Variants in DAB1 observed in about 807,000 individuals in gnomAD.
DAB1 encodes the protein disabled homolog 1.
Under a neutral mutation model 64.6 loss-of-function variants are expected in DAB1, and 15 were observed. The ratio of observed to expected loss-of-function variants is 0.23; its 90% CI spans 0.16 to 0.36. The LOEUF (loss-of-function observed/expected upper bound fraction) is 0.36, where lower values mean the gene tolerates loss of function less well. Ranked by LOEUF, DAB1 falls within the 10% of genes least tolerant of loss-of-function variation. The pLI is 1.00. For missense variants in DAB1, 596 were observed against 706.7 expected (o/e 0.84, Z 1.78); for synonymous variants, 235 against 251.9 (o/e 0.93, Z 0.64).
At chr1:58,522,110 A>G (rs993547315) in intron 2 of DAB1, among the ~76,000 whole-genome samples, 3 of 152,188 alleles carry the variant, frequency 2.0e-5, no homozygotes, top group African/African-American at 7.2e-5. Flanking sequence ...AATTAATGTA[A>G]TTTGCCCAAT....
chr1:57,695,878 CAACAAGAGTGAGATTCCATCTCA>C (rs1646838633), intron 6 of DAB1, among the ~76,000 whole-genome samples: 1 of 152,004 alleles, frequency 6.6e-6, no homozygotes, highest in Admixed American at 6.6e-5. Context: ...CCAGCCTGGG[CAACAAGAGTGAGATTCCATCTCA>C]AACAAAACAA....
chr1:57,241,376 C>T (rs1668482643), intron 2 of DAB1, among the ~76,000 whole-genome samples: 1 of 152,188 alleles, frequency 6.6e-6, no homozygotes, highest in South Asian at 2.1e-4. Context: ...TTATCAGTGT[C>T]TTTCTAATTG....
intron 1 of DAB1, among the ~76,000 whole-genome samples, chr1:57,309,549 C>A (rs553510005): frequency 2.0e-5 from 3 of 152,124 alleles, no homozygotes; most frequent in Non-Finnish European, 4.4e-5. Context: ...CATAACTTAC[C>A]AAAACTCAAT....
rs573106559 is a variant in DAB1, at chr1:58,263,178, T to C, written n.309+80174A>G. On this transcript the variant is annotated intron_variant and non_coding_transcript_variant, in intron 4 of 20. Transcript: ENST00000485760. Reference sequence around the variant, plus strand: ...CAGAGGCCAATTAATAAATAATGATTCCTTTTACTTTTTGGGAGCTGTAAA... The same window carrying C: ...CAGAGGCCAATTAATAAATAATGATCCCTTTTACTTTTTGGGAGCTGTAAA... 8.5e-4 allele frequency among the ~76,000 whole-genome samples: 130 copies of C among 152,302 alleles called. 1 individual carries two copies. Among genetic ancestry groups the C allele is most frequent in the Middle Eastern group, 6.8e-3 (2 of 294 alleles).
At chr1:58,217,073 T>C (rs1229637348) in intron 4 of DAB1, among the ~76,000 whole-genome samples, 1 of 152,332 alleles carries the variant, frequency 6.6e-6, no homozygotes, top group East Asian at 1.9e-4. Context: ...TTTTGGCAAA[T>C]GTCTTTCAGC....
At chr1:57,352,640 A>C (rs1392160270) in intron 1 of DAB1, among the ~76,000 whole-genome samples, 1 of 152,158 alleles carries the variant, frequency 6.6e-6, no homozygotes, top group Non-Finnish European at 1.5e-5. Flanking sequence ...GATACACAGA[A>C]AGAAACTGAA....
intron 4 of DAB1, among the ~76,000 whole-genome samples, chr1:58,231,455 G>T (rs901368258): frequency 6.6e-6 from 1 of 152,140 alleles, no homozygotes; most frequent in Non-Finnish European, 1.5e-5. Context: ...CAAGTCTCAG[G>T]ACAGCTGGTT....
At chr1:57,953,837 G>A (rs1645329067) in intron 5 of DAB1, among the ~76,000 whole-genome samples, 1 of 152,068 alleles carries the variant, frequency 6.6e-6, no homozygotes, top group South Asian at 2.1e-4. Flanking sequence ...GCTGTCTGCT[G>A]GCCTTACCCT....
At chr1:57,409,373 A>G (rs949004274) in intron 1 of DAB1, among the ~76,000 whole-genome samples, 1 of 152,214 alleles carries the variant, frequency 6.6e-6, no homozygotes, top group African/African-American at 2.4e-5. Context: ...GATACAGGGC[A>G]TGTCATTAAA....
chr1:57,008,312 C>A (rs1646154229), intron 14 of DAB1, among the ~76,000 whole-genome samples: 1 of 151,992 alleles, frequency 6.6e-6, no homozygotes, highest in Non-Finnish European at 1.5e-5. Flanking sequence ...TATCTGAAGA[C>A]AAAGTACAAA....
At chr1:57,730,916 G>A (rs897682467) in intron 6 of DAB1, among the ~76,000 whole-genome samples, 2 of 152,156 alleles carry the variant, frequency 1.3e-5, no homozygotes, top group Non-Finnish European at 1.5e-5. Context: ...AAATGATATG[G>A]CAGTTCCTCA....
intron 4 of DAB1, among the ~76,000 whole-genome samples, chr1:58,191,531 A>T (rs558170274): frequency 6.6e-6 from 1 of 152,304 alleles, no homozygotes; most frequent in African/African-American, 2.4e-5. Context: ...GGGGAACAGG[A>T]CTGTCCCAGG....
At chr1:58,146,637 A>G (rs1654610125) in intron 5 of DAB1, among the ~76,000 whole-genome samples, 1 of 152,210 alleles carries the variant, frequency 6.6e-6, no homozygotes, top group Non-Finnish European at 1.5e-5. Flanking sequence ...TTCACTTAGC[A>G]TAATGTCCTC....
At chr1:57,662,834 G>A (rs1430607149) in intron 6 of DAB1, among the ~76,000 whole-genome samples, 1 of 152,176 alleles carries the variant, frequency 6.6e-6, no homozygotes, top group African/African-American at 2.4e-5. Flanking sequence ...ATAGCTGGGG[G>A]AAAATCATTT....
chr1:57,522,959 G>A lies in DAB1; in HGVS notation n.625+126633C>T, dbSNP rs12029519. ...GACTTACACCAGTGATTTGCCAGGG[G>A]CTTGTAGGCCTTTGGCCACAGACTA... On this transcript the variant is annotated intron_variant and non_coding_transcript_variant, in intron 7 of 20. Transcript: ENST00000485760. Among the ~76,000 whole-genome samples the A allele has an allele frequency of 2.1e-3, 322 of 152,288 alleles. 8 individuals carry two copies. In the East Asian group the frequency reaches 0.049, roughly 23 times the overall value.
chr1:58,522,862 T>C (rs980382206), intron 2 of DAB1, among the ~76,000 whole-genome samples: 3 of 152,196 alleles, frequency 2.0e-5, no homozygotes, highest in Middle Eastern at 3.2e-3. Context: ...CATAAATGTC[T>C]CCATCCTTAT....
intron 5 of DAB1, among the ~76,000 whole-genome samples, chr1:58,083,880 C>A (rs1570329813): frequency 6.6e-6 from 1 of 152,244 alleles, no homozygotes; most frequent in Admixed American, 6.5e-5. Flanking sequence ...GAGCAGAGAC[C>A]CGCATGAAGT....
rs186342318 is a variant in DAB1, at chr1:57,557,745, G to A, written n.625+91847C>T. Among the ~76,000 whole-genome samples the A allele has an allele frequency of 2.3e-4, 35 of 152,230 alleles. No homozygotes were observed. In the East Asian group the frequency reaches 5.6e-3, roughly 24 times the overall value. On this transcript the variant is annotated intron_variant and non_coding_transcript_variant, in intron 7 of 20. Coordinates refer to the DAB1 transcript ENST00000485760. ...GACACTCCTGATTCATCGTTGGTGA[G>A]GGGCAAGGAGTTTAGTGACTCTATA...
chr1:57,204,049 C>T (rs952389898), intron 2 of DAB1, among the ~76,000 whole-genome samples: 2 of 152,062 alleles, frequency 1.3e-5, no homozygotes, highest in African/African-American at 4.8e-5. Flanking sequence ...ACCACCTCTC[C>T]TGGCTAATTT....
Sources: gnomAD v4.1 joint callset for allele counts (sites outside exome capture counted in the v4.1 genomes callset) on GRCh38, gnomAD v4.1.1 for gene constraint, MANE v1.5 for transcripts, NCBI Gene and HGNC (gene_info 2026-07-23, HGNC 2026-07-21) for gene names.